Variants in SPON1 observed in about 807,000 individuals in gnomAD.
SPON1 encodes spondin-1.
A neutral mutation model predicts 111.7 loss-of-function variants in SPON1; 52 were observed. That is an observed-to-expected ratio of 0.47 (90% confidence interval 0.37 to 0.59). The LOEUF is 0.59. Ranked by LOEUF, SPON1 falls within the 20% of genes least tolerant of loss-of-function variation. The probability of loss-of-function intolerance (pLI) is 0.00; values close to 1 mark genes in which losing one functional copy is unlikely to be tolerated. For synonymous variants in SPON1, 410 were observed against 395.8 expected (o/e 1.04, Z -0.43); for missense variants, 957 against 1,068.5 (o/e 0.90, Z 1.46).
chr11:14,224,739 G>A, intron 6 of SPON1: 1 of 505,786 alleles, frequency 2.0e-6, no homozygotes. Context: ...TACACATAAG[G>A]GTGAAAGACT....
intron 13 of SPON1, 92 bp from the exon 14 acceptor site, chr11:14,260,496 C>A: frequency 1.4e-6 from 2 of 1,396,234 alleles, no homozygotes; most frequent in Non-Finnish European, 2.0e-6. Flanking sequence ...GGGGCCAAAG[C>A]AGGGGACTCG....
At position 13,999,259 on chromosome 11, in the gene SPON1, G is replaced by C. The variant is rs11826276; in HGVS notation, c.345+16306G>C. 2.9e-3 allele frequency among the ~76,000 whole-genome samples: 434 copies of C among 152,066 alleles called. 4 individuals carry two copies. Among genetic ancestry groups the C allele is most frequent in the African/African-American group, 0.01 (416 of 41,476 alleles). ...TATAAATGACACTGTCGTGTGTAAG[G>C]CATGTTCTAGGCTCTGAGGATATAG... On this transcript the variant is annotated intron_variant, in intron 2 of 15. Coordinates refer to ENST00000576479, the MANE Select transcript of SPON1 (RefSeq NM_006108.4).
chr11:14,160,672 C>CATATATTT (rs1847917769), intron 6 of SPON1, among the ~76,000 whole-genome samples: 1 of 6,772 alleles, frequency 1.5e-4, no homozygotes, highest in African/African-American at 5.4e-4. Context: ...TATATATTTA[C>CATATATTT]ATATATTTAT....
At chr11:14,081,065 C>T (rs1848958374) in intron 5 of SPON1, among the ~76,000 whole-genome samples, 1 of 150,256 alleles carries the variant, frequency 6.7e-6, no homozygotes, top group African/African-American at 2.5e-5. Context: ...GCCTGGGCAG[C>T]AGAGCAAGAC....
At chr11:14,260,367 G>GT (rs1430252442) in intron 13 of SPON1, among the ~76,000 whole-genome samples, 3 of 152,034 alleles carry the variant, frequency 2.0e-5, no homozygotes, top group Non-Finnish European at 4.4e-5. Context: ...ATAACCATCG[G>GT]GGGGGGTCAG....
At chr11:14,221,293 G>C (rs1368989693) in intron 6 of SPON1, among the ~76,000 whole-genome samples, 1 of 152,120 alleles carries the variant, frequency 6.6e-6, no homozygotes, top group Non-Finnish European at 1.5e-5. Flanking sequence ...GACAATATCT[G>C]TTTTATTCTT....
intron 1 of SPON1, among the ~76,000 whole-genome samples, chr11:13,963,710 G>T (rs2133769966): frequency 6.6e-6 from 1 of 152,268 alleles, no homozygotes; most frequent in East Asian, 1.9e-4. Context: ...GGGAAGGAGG[G>T]GCAGGGACAG....
intron 2 of SPON1, among the ~76,000 whole-genome samples, chr11:14,005,157 T>C (rs1403888957): frequency 6.6e-6 from 1 of 152,182 alleles, no homozygotes; most frequent in African/African-American, 2.4e-5. Context: ...CAAAGGCCAA[T>C]GTTGAGGAGG....
chr11:14,259,404 G>A lies in SPON1; in HGVS notation c.1617G>A (p.Thr539=). 4 of 1,610,988 alleles carry A rather than the reference G, an allele frequency of 2.5e-6. No individual in the cohort carries two copies. Among genetic ancestry groups the A allele is most frequent in the Non-Finnish European group, 2.5e-6 (3 of 1,178,912 alleles). Residue 539 remains threonine (T), a synonymous_variant, in exon 12 of 16, where the codon ACG becomes ACA. Coordinates refer to ENST00000576479, the MANE Select transcript of SPON1 (RefSeq NM_006108.4). The surrounding 1 kb of genome is among the most constrained non-coding windows in gnomAD (Gnocchi z 5.0). The part of the protein sequence containing the change: ...KQFPEDGSVC[T]LPTEETEKCT... ...TCCCGGAGGACGGCTCCGTGTGCAC[G>A]CTGCCCACTGAGGAAACGGAGAAGT...
In SPON1 at chr11:14,117,204, C is replaced by T. The variant is rs78001260; in HGVS notation, c.677-18216C>T. 8.4e-3 allele frequency among the ~76,000 whole-genome samples: 1,277 copies of T among 152,196 alleles called. 9 individuals are homozygous for T. Among genetic ancestry groups the T allele is most frequent in the Middle Eastern group, 0.024 (7 of 294 alleles). The stretch of plus-strand genomic sequence containing the variant: ...TTTCCTTCTTGCCTTATTGCACTGG[C>T]TATTACCTCTACGATGTTAAATAGA... On this transcript the variant is annotated intron_variant, in intron 5 of 15. Transcript: ENST00000576479.
intron 3 of SPON1, among the ~76,000 whole-genome samples, chr11:14,047,585 T>G (rs1848677865): frequency 6.6e-6 from 1 of 152,160 alleles, no homozygotes; most frequent in Non-Finnish European, 1.5e-5. Context: ...TTAAACATGG[T>G]AAGAGTTCAG....
intron 5 of SPON1, among the ~76,000 whole-genome samples, chr11:14,094,376 T>A (rs1849082982): frequency 6.6e-6 from 1 of 152,168 alleles, no homozygotes; most frequent in East Asian, 1.9e-4. Context: ...CAGATTCTTC[T>A]CCAACACATT....
intron 2 of SPON1, among the ~76,000 whole-genome samples, chr11:14,029,223 G>C (rs1430495372): frequency 6.6e-6 from 1 of 152,022 alleles, no homozygotes; most frequent in Non-Finnish European, 1.5e-5. Context: ...TTAGGTGCAG[G>C]CCAGCTGGGC....
At chr11:14,004,885 C>A (rs1848347159) in intron 2 of SPON1, among the ~76,000 whole-genome samples, 1 of 152,100 alleles carries the variant, frequency 6.6e-6, no homozygotes. Context: ...TAGCTCACTG[C>A]AGCCCCAAAC....
At chr11:14,045,652 TA>T (rs1169089539) in intron 3 of SPON1, among the ~76,000 whole-genome samples, 4 of 148,796 alleles carry the variant, frequency 2.7e-5, no homozygotes, top group Non-Finnish European at 5.9e-5. Context: ...ATATAGCTTA[TA>T]AAATGTTTTT....
At chr11:14,161,456 C>A (rs1847963437) in intron 6 of SPON1, among the ~76,000 whole-genome samples, 1 of 150,512 alleles carries the variant, frequency 6.6e-6, no homozygotes, top group South Asian at 2.1e-4. Flanking sequence ...GTAGCTGGGA[C>A]TACAGGTGCA....
At chr11:14,102,613 A>G (rs1554924489) in intron 5 of SPON1, among the ~76,000 whole-genome samples, 1 of 152,182 alleles carries the variant, frequency 6.6e-6, no homozygotes, top group East Asian at 1.9e-4. Flanking sequence ...TATATACTGC[A>G]TTTACTTGTC....
At chr11:14,172,003 T>C (rs11023127) in intron 6 of SPON1, among the ~76,000 whole-genome samples, 29,350 of 152,026 alleles carry the variant, frequency 0.19, 2,883 homozygotes, top group Admixed American at 0.25. Flanking sequence ...AGATGTCTAT[T>C]AGGTCCACTT....
At chr11:14,067,117 C>G (rs1848838643) in intron 3 of SPON1, among the ~76,000 whole-genome samples, 1 of 152,120 alleles carries the variant, frequency 6.6e-6, no homozygotes, top group Admixed American at 6.5e-5. Flanking sequence ...ATTGAGGCTG[C>G]AGTAAGCTGT....
Sources: gnomAD v4.1 joint callset for allele counts (sites outside exome capture counted in the v4.1 genomes callset) on GRCh38, gnomAD v4.1.1 for gene constraint, Gnocchi (gnomAD v3.1) non-coding constraint, MANE v1.5 for transcripts, NCBI Gene and HGNC (gene_info 2026-07-23, HGNC 2026-07-21) for gene names.